EIF4ENIF1: variants seen among roughly 807,000 people sequenced by gnomAD.
EIF4ENIF1 encodes eukaryotic translation initiation factor 4E transporter.
A neutral mutation model predicts 110.5 loss-of-function variants in EIF4ENIF1; 23 were observed. The observed-to-expected ratio is 0.21, with a 90% CI of 0.15 to 0.29. The LOEUF (loss-of-function observed/expected upper bound fraction) is 0.29, where lower values mean the gene tolerates loss of function less well. Ranked by LOEUF, EIF4ENIF1 falls within the 10% of genes least tolerant of loss-of-function variation. EIF4ENIF1 has a pLI of 1.00. For missense variants in EIF4ENIF1, 1,031 were observed against 1,221.1 expected (o/e 0.84, Z 2.32); for synonymous variants, 440 against 437.0 (o/e 1.01, Z -0.09).
intron 3 of EIF4ENIF1, among the ~76,000 whole-genome samples, chr22:31,471,395 G>A (rs1359296182): frequency 1.3e-5 from 2 of 151,514 alleles, no homozygotes; most frequent in African/African-American, 4.8e-5. Flanking sequence ...GCTCACTGCA[G>A]GCTCCGCCTC....
At chr22:31,486,238 C>G (rs1258669952) in intron 2 of EIF4ENIF1, among the ~76,000 whole-genome samples, 1 of 151,482 alleles carries the variant, frequency 6.6e-6, no homozygotes, top group Non-Finnish European at 1.5e-5. Flanking sequence ...TCATTGCACT[C>G]CAGCCTCGGC....
At chr22:31,485,539 A>G (rs1198575847) in intron 2 of EIF4ENIF1, among the ~76,000 whole-genome samples, 1 of 152,252 alleles carries the variant, frequency 6.6e-6, no homozygotes, top group Admixed American at 6.5e-5. Context: ...AGTGAAAAAA[A>G]TACTGGAAAG....
At chr22:31,489,415 GA>G (rs1371977773) in intron 1 of EIF4ENIF1, 2 of 152,066 alleles carry the variant, frequency 1.3e-5, no homozygotes, top group African/African-American at 4.8e-5. Flanking sequence ...CCGCAGGGAG[GA>G]GGGAGGCCGA....
chr22:31,453,008 G>C (rs1475691124), intron 10 of EIF4ENIF1, among the ~76,000 whole-genome samples: 1 of 151,424 alleles, frequency 6.6e-6, no homozygotes, highest in Non-Finnish European at 1.5e-5. Context: ...TTGGCTAACT[G>C]GTAAGTTCCC....
At chr22:31,484,446 T>C (rs1025789172) in intron 2 of EIF4ENIF1, among the ~76,000 whole-genome samples, 22 of 151,906 alleles carry the variant, frequency 1.4e-4, no homozygotes, top group Non-Finnish European at 3.2e-4. Flanking sequence ...GAAGGGTCAA[T>C]GGTTAAGGGG....
intron 17 of EIF4ENIF1, among the ~76,000 whole-genome samples, chr22:31,441,482 G>A (rs1419151541): frequency 2.0e-5 from 3 of 148,180 alleles, no homozygotes; most frequent in Non-Finnish European, 4.5e-5. Context: ...AGAGGTTGCA[G>A]TGAGCTGAGA....
In EIF4ENIF1 at chr22:31,440,690, A is replaced by G. The variant is rs139363821; in HGVS notation, c.2716+14T>C. The G allele has an allele frequency of 1.2e-6, 2 of 1,610,136 alleles. No homozygotes were observed. Among genetic ancestry groups the G allele is most frequent in the Admixed American group, 1.7e-5 (1 of 58,530 alleles). ...AGTCCGTCCCAAACTCACCTGTCAC[A>G]TTCCTGAACCTACCTGAGCGCTGTA... On this transcript the variant is annotated intron_variant, in intron 18 of 18. Coordinates refer to ENST00000330125, the MANE Select transcript of EIF4ENIF1 (RefSeq NM_019843.4).
chr22:31,456,359 G>A (rs1327716765), intron 7 of EIF4ENIF1, among the ~76,000 whole-genome samples: 2 of 151,628 alleles, frequency 1.3e-5, no homozygotes, highest in Non-Finnish European at 1.5e-5. Flanking sequence ...GAGTAGCTGG[G>A]ACTACAGGCG....
At chr22:31,490,177 C>T (rs979975131), upstream of EIF4ENIF1, among the ~76,000 whole-genome samples, 6 of 152,228 alleles carry the variant, frequency 3.9e-5, no homozygotes, top group Non-Finnish European at 7.3e-5. Flanking sequence ...ACTTGGGACC[C>T]GCGACTCGCG....
rs567519407 is a variant in EIF4ENIF1, at chr22:31,444,049, C to T, written c.2073+557G>A. Among the ~76,000 whole-genome samples the T allele has an allele frequency of 1.1e-4, 17 of 152,298 alleles. 1 individual carries two copies. The East Asian group carries it at 1.7e-3, about 16-fold the overall frequency. On this transcript the variant is annotated intron_variant, in intron 15 of 18. Transcript: ENST00000330125. ...CTGAACTCAAACAATCTACCTACCT[C>T]GGCCTCTGAAAGTCCTGGGATTACA...
At position 31,440,613 on chromosome 22, in the gene EIF4ENIF1, G is replaced by C. The variant is rs1034240586; in HGVS notation, c.2716+91C>G. On this transcript the variant is annotated intron_variant, in intron 18 of 18. Transcript: ENST00000330125. ...ACTTAGAACAAGTTAAAGAATGAAAGTGTTAATTCATCTCCACTGGAAACT... is the reference window on the plus strand; with the variant it reads ...ACTTAGAACAAGTTAAAGAATGAAACTGTTAATTCATCTCCACTGGAAACT... 2.1e-6 allele frequency: 3 copies of C among 1,419,164 alleles called. No homozygotes were observed. In the African/African-American group the frequency reaches 4.3e-5, roughly 20 times the overall value. 87.9% of individuals were successfully genotyped at this position (1,419,164 alleles called of 1,614,324 possible). A position where few individuals can be genotyped will look rare whatever the true frequency, so the allele number is the denominator to read the frequency against.
intron 6 of EIF4ENIF1, among the ~76,000 whole-genome samples, chr22:31,459,114 G>A (rs1297018533): frequency 6.6e-6 from 1 of 151,950 alleles, no homozygotes; most frequent in Admixed American, 6.6e-5. Flanking sequence ...TTTTTGTAGA[G>A]ACTGAGTCTC....
At chr22:31,463,594 C>G (rs2051069287) in intron 5 of EIF4ENIF1, 87 bp downstream of exon 5, 3 of 1,319,202 alleles carry the variant, frequency 2.3e-6, no homozygotes, top group Non-Finnish European at 2.0e-6. Context: ...AGCAGTGAGT[C>G]AAGATCGTGC....
At position 31,468,248 on chromosome 22, in the gene EIF4ENIF1, C is replaced by T. The variant is rs1341476040; in HGVS notation, c.225G>A (p.Gly75=). ...KWHASLYPAS[G]RSSPVESLKK... ...TCAGACTTTCCACTGGTGAGCTCCG[C>T]CCTGAAGCTGGGTAGAGAGAGGCAT... The change falls in exon 4 of 19, where the codon GGG becomes GGA. Residue 75 remains glycine, a synonymous_variant. Transcript: ENST00000330125. 1 of 1,614,172 alleles carries T rather than the reference C, an allele frequency of 6.2e-7. No individual in the cohort carries two copies. Among genetic ancestry groups the T allele is most frequent in the African/African-American group, 1.3e-5 (1 of 75,050 alleles).
intron 17 of EIF4ENIF1, 26 bp from the exon 18 acceptor site, chr22:31,440,894 T>C (rs532208396): frequency 1.2e-6 from 2 of 1,613,030 alleles, no homozygotes; most frequent in East Asian, 2.2e-5. Context: ...AGCAAGCAGC[T>C]GAGTAGTCTT....
intron 2 of EIF4ENIF1, among the ~76,000 whole-genome samples, chr22:31,484,659 C>G (rs1006851780): frequency 6.6e-5 from 10 of 152,106 alleles, no homozygotes; most frequent in Non-Finnish European, 1.3e-4. Context: ...CATGGAGAAA[C>G]CCTGTCACTA....
chr22:31,482,819 C>T (rs987320368), intron 2 of EIF4ENIF1, among the ~76,000 whole-genome samples: 7 of 150,204 alleles, frequency 4.7e-5, no homozygotes, highest in African/African-American at 1.7e-4. Context: ...ATCAGGAGAT[C>T]GAGACCATCC....
chr22:31,466,435 C>T (rs905143140), intron 4 of EIF4ENIF1, among the ~76,000 whole-genome samples: 10 of 137,844 alleles, frequency 7.3e-5, no homozygotes, highest in Non-Finnish European at 1.3e-4. Flanking sequence ...AAAAAATTAG[C>T]TGGGCACGGT....
intron 4 of EIF4ENIF1, among the ~76,000 whole-genome samples, chr22:31,467,518 T>C (rs892371003): frequency 6.6e-6 from 1 of 152,086 alleles, no homozygotes; most frequent in Non-Finnish European, 1.5e-5. Flanking sequence ...CACAGTCCAC[T>C]ATGAATTAAG....
Sources: gnomAD v4.1 joint callset for allele counts (sites outside exome capture counted in the v4.1 genomes callset) on GRCh38, gnomAD v4.1.1 for gene constraint, MANE v1.5 for transcripts, NCBI Gene and HGNC (gene_info 2026-07-23, HGNC 2026-07-21) for gene names.